FNBP1L: variants seen among roughly 807,000 people sequenced by gnomAD.
The protein encoded by FNBP1L is formin-binding protein 1-like.
A neutral mutation model predicts 91.2 loss-of-function variants in FNBP1L; 36 were observed. That is an observed-to-expected ratio of 0.39 (90% CI 0.30 to 0.52). FNBP1L has a LOEUF of 0.52. FNBP1L is among the 20% of genes least tolerant of loss of function. The probability of loss-of-function intolerance (pLI) is 0.66; values close to 1 mark genes in which losing one functional copy is unlikely to be tolerated. For missense variants in FNBP1L, 571 were observed against 732.1 expected (o/e 0.78, Z 2.54); for synonymous variants, 242 against 237.0 (o/e 1.02, Z -0.19).
At chr1:93,516,436 G>C (rs1671119303) in intron 2 of FNBP1L, among the ~76,000 whole-genome samples, 1 of 152,168 alleles carries the variant, frequency 6.6e-6, no homozygotes, top group Non-Finnish European at 1.5e-5. Context: ...CAAGCTTTGT[G>C]TTCTAAAGCC....
chr1:93,461,348 C>T (rs947479491), intron 1 of FNBP1L, among the ~76,000 whole-genome samples: 2 of 151,924 alleles, frequency 1.3e-5, no homozygotes, highest in African/African-American at 4.8e-5. Flanking sequence ...GTGTTGGGAG[C>T]ACAGTTTGAA....
intron 1 of FNBP1L, among the ~76,000 whole-genome samples, chr1:93,452,425 A>G (rs1237026614): frequency 6.6e-6 from 1 of 152,232 alleles, no homozygotes; most frequent in Non-Finnish European, 1.5e-5. Context: ...GTAAAATGGT[A>G]AAAGGATGGG....
rs1671643024 is a variant in FNBP1L, at chr1:93,530,670, T to TA, written c.511-81dup. 5 of 1,457,880 alleles carry TA rather than the reference T, an allele frequency of 3.4e-6. No individual in the cohort carries two copies. The South Asian group carries it at 6.6e-5, about 19-fold the overall frequency. 90.3% of individuals were successfully genotyped at this position (1,457,880 alleles called of 1,614,324 possible). ...TGTCAGGTGTTGGCTTCTTCATTGA[T>TA]AAAATCTAGTTTTAGTATAATTTTC... On this transcript the variant is annotated intron_variant, in intron 6 of 16. Transcript: ENST00000271234.
chr1:93,480,652 C>G (rs777286292), intron 1 of FNBP1L, among the ~76,000 whole-genome samples: 2 of 151,644 alleles, frequency 1.3e-5, no homozygotes, highest in African/African-American at 2.4e-5. Flanking sequence ...GTGGCACAAT[C>G]TTGGCTCACT....
intron 1 of FNBP1L, among the ~76,000 whole-genome samples, chr1:93,476,113 T>TTA (rs1245324178): frequency 3.0e-4 from 46 of 152,238 alleles, no homozygotes; most frequent in African/African-American, 1.1e-3. Flanking sequence ...CATTGGTATG[T>TTA]TAGTGCATTA....
At position 93,465,584 on chromosome 1, in the gene FNBP1L, T is replaced by G. The variant is rs2101692125; in HGVS notation, c.24+17279T>G. 2.0e-5 allele frequency among the ~76,000 whole-genome samples: 3 copies of G among 152,344 alleles called. No individual in the cohort carries two copies. The East Asian group carries it at 5.8e-4, about 29-fold the overall frequency. On this transcript the variant is annotated intron_variant, in intron 1 of 16. Coordinates refer to ENST00000271234, the MANE Select transcript of FNBP1L (RefSeq NM_001164473.3). ...TTCCATGGTATATATGTGCCACATT[T>G]TCTTTATCCAGTCTATCATGGATGG...
At chr1:93,485,864 T>G (rs1669878653) in intron 1 of FNBP1L, among the ~76,000 whole-genome samples, 1 of 152,010 alleles carries the variant, frequency 6.6e-6, no homozygotes. Context: ...GCCTGGCTGA[T>G]TATTTTTGTA....
intron 1 of FNBP1L, among the ~76,000 whole-genome samples, chr1:93,492,660 C>A (rs2101718699): frequency 6.6e-6 from 1 of 152,132 alleles, no homozygotes; most frequent in Admixed American, 6.5e-5. Flanking sequence ...CCAGACGGAG[C>A]AACAAAGCAA....
At chr1:93,504,686 T>C (rs1286355758) in intron 2 of FNBP1L, among the ~76,000 whole-genome samples, 1 of 152,196 alleles carries the variant, frequency 6.6e-6, no homozygotes, top group Non-Finnish European at 1.5e-5. Context: ...TCGGTGTGAG[T>C]TGTTATCTCC....
intron 15 of FNBP1L, 66 bp from the exon 16 acceptor site, chr1:93,550,881 T>C: frequency 7.3e-7 from 1 of 1,373,460 alleles, no homozygotes; most frequent in Non-Finnish European, 9.6e-7. Context: ...TTTTGTGCAT[T>C]GTATTAGTAA....
intron 2 of FNBP1L, among the ~76,000 whole-genome samples, chr1:93,516,256 G>T (rs1020567829): frequency 9.9e-5 from 15 of 152,126 alleles, no homozygotes; most frequent in African/African-American, 3.6e-4. Flanking sequence ...CTTTAAAATG[G>T]AAGTGAGAAA....
chr1:93,535,591 G>A (rs1456414386), intron 9 of FNBP1L, among the ~76,000 whole-genome samples: 1 of 152,032 alleles, frequency 6.6e-6, no homozygotes. Flanking sequence ...ATTTATTAAA[G>A]TATACTTGAT....
chr1:93,460,467 G>C (rs1407499513), intron 1 of FNBP1L, among the ~76,000 whole-genome samples: 1 of 152,158 alleles, frequency 6.6e-6, no homozygotes, highest in Non-Finnish European at 1.5e-5. Flanking sequence ...TGAAACAGGA[G>C]GCAACGTAAA....
intron 2 of FNBP1L, among the ~76,000 whole-genome samples, chr1:93,516,750 C>T (rs1251989569): frequency 6.6e-6 from 1 of 152,068 alleles, no homozygotes; most frequent in East Asian, 1.9e-4. Flanking sequence ...TGAAACTACT[C>T]ACTCTATGAA....
rs549613027 is a variant in FNBP1L, at chr1:93,510,549, G to A, written c.140+10966G>A. 1.8e-3 allele frequency among the ~76,000 whole-genome samples: 273 copies of A among 152,064 alleles called. 2 individuals are homozygous for A. The highest frequency in any genetic ancestry group is 3.1e-3 in the Non-Finnish European group (214 of 68,024). On this transcript the variant is annotated intron_variant, in intron 2 of 16. Transcript: ENST00000271234. The stretch of plus-strand genomic sequence containing the variant: ...AACTGGAAACTCTAAAAAGCAGAGC[G>A]CCTCTCCTCCTCCAAAGGAACACAG...
intron 11 of FNBP1L, among the ~76,000 whole-genome samples, chr1:93,542,115 A>G (rs1410838233): frequency 6.6e-6 from 1 of 151,942 alleles, no homozygotes; most frequent in East Asian, 1.9e-4. Context: ...TTTTTGGCAT[A>G]TATATATACT....
At chr1:93,470,126 T>G (rs1669236158) in intron 1 of FNBP1L, among the ~76,000 whole-genome samples, 1 of 152,166 alleles carries the variant, frequency 6.6e-6, no homozygotes, top group East Asian at 1.9e-4. Context: ...TTAGCTATGC[T>G]CTCTTTTCTT....
chr1:93,541,131 A>G, intron 11 of FNBP1L, 75 bp downstream of exon 11: 1 of 1,405,288 alleles, frequency 7.1e-7, no homozygotes, highest in Middle Eastern at 1.8e-4. Context: ...TTAATTCAAA[A>G]CAAGTGGTAA....
chr1:93,456,792 T>G (rs1181838516), intron 1 of FNBP1L, among the ~76,000 whole-genome samples: 1 of 150,764 alleles, frequency 6.6e-6, no homozygotes, highest in Non-Finnish European at 1.5e-5. Context: ...AAAAAAAAAA[T>G]CGTTGCTTTT....
Sources: gnomAD v4.1 joint callset for allele counts (sites outside exome capture counted in the v4.1 genomes callset) on GRCh38, gnomAD v4.1.1 for gene constraint, MANE v1.5 for transcripts, NCBI Gene and HGNC (gene_info 2026-07-23, HGNC 2026-07-21) for gene names.